SPSB4: variants seen among roughly 807,000 people sequenced by gnomAD.
The protein encoded by SPSB4 is SPRY domain-containing SOCS box protein 4.
Under a neutral mutation model 20.9 loss-of-function variants are expected in SPSB4, and 21 were observed. The observed-to-expected ratio is 1.01, with a 90% CI of 0.71 to 1.45. SPSB4 has a LOEUF of 1.45. Ranked by LOEUF, SPSB4 falls within the 40% of genes most tolerant of loss-of-function variation. The probability of loss-of-function intolerance (pLI) is 0.00; values close to 1 mark genes in which losing one functional copy is unlikely to be tolerated. For missense variants in SPSB4, 399 were observed against 399.2 expected (o/e 1.00, Z 0.00); for synonymous variants, 207 against 183.8 (o/e 1.13, Z -1.02).
rs1559838818 is a variant in SPSB4 at position 141,066,042 on chromosome 3, C to T, written c.-63C>T. 6 of 1,378,606 alleles carry T rather than the reference C, an allele frequency of 4.4e-6. No individual in the cohort carries two copies. Among genetic ancestry groups the T allele is most frequent in the Non-Finnish European group, 5.7e-6 (6 of 1,056,560 alleles). 85.4% of individuals were successfully genotyped at this position (1,378,606 alleles called of 1,614,324 possible). The stretch of plus-strand genomic sequence containing the variant: ...CAGCCCCGTGGCCCATTCCTGGCTA[C>T]GGGGAGTGGAGGCTCCCACGAGGTA... On this transcript the variant is annotated 5_prime_UTR_variant, in exon 2 of 3. The change creates a new upstream start codon in the 5' untranslated region. Transcript: ENST00000310546.
chr3:141,142,957 C>T (rs1011420280), intron 2 of SPSB4, among the ~76,000 whole-genome samples: 3 of 151,734 alleles, frequency 2.0e-5, no homozygotes, highest in East Asian at 1.9e-4. Context: ...GCTGGGACTA[C>T]AGGCACCCGC....
At chr3:141,123,394 C>T (rs1052455767) in intron 2 of SPSB4, among the ~76,000 whole-genome samples, 1 of 152,204 alleles carries the variant, frequency 6.6e-6, no homozygotes, top group African/African-American at 2.4e-5. Context: ...TGCTCTTTTC[C>T]TTATAGATTT....
intron 1 of SPSB4, among the ~76,000 whole-genome samples, chr3:141,054,922 A>G (rs1013974409): frequency 2.6e-5 from 4 of 151,442 alleles, no homozygotes; most frequent in Non-Finnish European, 5.9e-5. Context: ...CCGAGATGGC[A>G]CCACTGCACT....
intron 2 of SPSB4, among the ~76,000 whole-genome samples, chr3:141,095,238 T>C (rs1938527473): frequency 6.6e-6 from 1 of 152,168 alleles, no homozygotes; most frequent in South Asian, 2.1e-4. Flanking sequence ...GTTGCTGTGC[T>C]GCCGAGACTG....
intron 1 of SPSB4, among the ~76,000 whole-genome samples, chr3:141,065,323 CA>C (rs1313964417): frequency 2.0e-5 from 3 of 152,184 alleles, no homozygotes; most frequent in Non-Finnish European, 4.4e-5. Context: ...GACCCTGCTG[CA>C]CCTTGTTCTG....
chr3:141,077,039 C>A (rs1038002055), intron 2 of SPSB4: 3 of 152,186 alleles, frequency 2.0e-5, no homozygotes, highest in Admixed American at 2.0e-4. Context: ...GGTCGGGAGC[C>A]AGCTGATTTG....
chr3:141,060,812 A>T (rs1437971069), intron 1 of SPSB4, among the ~76,000 whole-genome samples: 1 of 152,192 alleles, frequency 6.6e-6, no homozygotes, highest in Non-Finnish European at 1.5e-5. Flanking sequence ...ACCTTTAATA[A>T]GCTGATAGAC....
chr3:141,137,202 C>A (rs182764750), intron 2 of SPSB4, among the ~76,000 whole-genome samples: 75 of 152,314 alleles, frequency 4.9e-4, no homozygotes, highest in African/African-American at 1.8e-3. Context: ...TATCCTGAGA[C>A]TTTCCTGAAG....
intron 2 of SPSB4, among the ~76,000 whole-genome samples, chr3:141,071,138 A>C (rs1428920674): frequency 6.6e-6 from 1 of 152,238 alleles, no homozygotes; most frequent in African/African-American, 2.4e-5. Context: ...CTTGATCACT[A>C]ACAGGGGAAT....
chr3:141,106,692 C>T (rs1211713161), intron 2 of SPSB4, among the ~76,000 whole-genome samples: 1 of 152,200 alleles, frequency 6.6e-6, no homozygotes, highest in Non-Finnish European at 1.5e-5. Context: ...CACCTGTAAT[C>T]CCAGGTTCAA....
chr3:141,142,801 G>GTTT (rs1939352436), intron 2 of SPSB4, among the ~76,000 whole-genome samples: 1 of 77,324 alleles, frequency 1.3e-5, no homozygotes, highest in Non-Finnish European at 2.8e-5. Context: ...GTCCCTCTTT[G>GTTT]TCTTTTTTTT....
chr3:141,088,260 A>G (rs1282989193), intron 2 of SPSB4, among the ~76,000 whole-genome samples: 1 of 152,192 alleles, frequency 6.6e-6, no homozygotes, highest in Non-Finnish European at 1.5e-5. Flanking sequence ...CGCACAGTTA[A>G]ATGTACTGCG....
intron 2 of SPSB4, among the ~76,000 whole-genome samples, chr3:141,091,751 C>T (rs1040581335): frequency 2.6e-5 from 4 of 152,242 alleles, no homozygotes; most frequent in African/African-American, 4.8e-5. Flanking sequence ...ACGCTGACTT[C>T]GCTCAGGATA....
Position 141,112,891 on chromosome 3 carries a change from T to C in SPSB4, c.695-34251T>C, listed in dbSNP as rs143910611. Reference sequence around the variant, plus strand: ...TCAGCAAGTGGCCCAAGTAGAGGGGTTCTGACAGGGGCCTCTGAGGCCCCT... The same window carrying C: ...TCAGCAAGTGGCCCAAGTAGAGGGGCTCTGACAGGGGCCTCTGAGGCCCCT... On this transcript the variant is annotated intron_variant, in intron 2 of 2. Coordinates refer to ENST00000310546, the MANE Select transcript of SPSB4 (RefSeq NM_080862.3). Among the ~76,000 whole-genome samples, 926 of 151,858 alleles carry C rather than the reference T, an allele frequency of 6.1e-3. 19 individuals carry two copies. The East Asian group carries it at 0.061, about 10-fold the overall frequency.
intron 1 of SPSB4, among the ~76,000 whole-genome samples, chr3:141,053,312 C>T (rs1936128516): frequency 6.6e-6 from 1 of 150,998 alleles, no homozygotes. Flanking sequence ...GGGCATATTC[C>T]TCTGAGACAC....
At chr3:141,122,956 C>T (rs1938993097) in intron 2 of SPSB4, among the ~76,000 whole-genome samples, 1 of 152,206 alleles carries the variant, frequency 6.6e-6, no homozygotes, top group Non-Finnish European at 1.5e-5. Context: ...CACGCACTGT[C>T]CAACCAGTCC....
intron 2 of SPSB4, among the ~76,000 whole-genome samples, chr3:141,084,399 G>A (rs1452670901): frequency 1.3e-5 from 2 of 152,036 alleles, no homozygotes; most frequent in African/African-American, 4.8e-5. Context: ...AATCAAACGG[G>A]TCCCTGGAGA....
At chr3:141,079,760 A>G (rs577500655) in intron 2 of SPSB4, among the ~76,000 whole-genome samples, 89 of 152,336 alleles carry the variant, frequency 5.8e-4, no homozygotes, top group African/African-American at 2.1e-3. Flanking sequence ...GGAGAATATG[A>G]TAAGGGAGGG....
At chr3:141,077,862 C>T (rs1938146658) in intron 2 of SPSB4, among the ~76,000 whole-genome samples, 1 of 152,322 alleles carries the variant, frequency 6.6e-6, no homozygotes, top group African/African-American at 2.4e-5. Flanking sequence ...GAGCATAAGG[C>T]TGCATGTGGA....
Sources: gnomAD v4.1 joint callset for allele counts (sites outside exome capture counted in the v4.1 genomes callset) on GRCh38, gnomAD v4.1.1 for gene constraint, MANE v1.5 for transcripts, NCBI Gene and HGNC (gene_info 2026-07-23, HGNC 2026-07-21) for gene names.